The following ANO2 variants were observed in gnomAD, a reference collection of about 807,000 sequenced individuals.
The protein encoded by ANO2 is anoctamin 2.
ANO2 carries 101 observed loss-of-function variants against 124.2 expected under a neutral mutation model. That is an observed-to-expected ratio of 0.81 (90% CI 0.69 to 0.96). The LOEUF is 0.96. Among genes scored for constraint, ANO2 ranks in the 40% least tolerant of loss-of-function variants. The pLI is 0.00. For synonymous variants in ANO2, 486 were observed against 482.5 expected (o/e 1.01, Z -0.09); for missense variants, 1,293 against 1,274.5 (o/e 1.01, Z -0.22).
Position 5,923,252 on chromosome 12 carries a change from A to ACACACACACACGCACACACACC in ANO2, c.23-449_23-448insGGTGTGTGTGCGTGTGTGTGTG, listed in dbSNP as rs1565784497. 6.8e-4 allele frequency among the ~76,000 whole-genome samples: 51 copies of ACACACACACACGCACACACACC among 74,706 alleles called. 7 individuals carry two copies. The East Asian group carries it at 0.01, about 15-fold the overall frequency. The allele number at this position is 74,706 out of a possible 152,430, so 49.0% of individuals were successfully genotyped here. A position where few individuals can be genotyped will look rare whatever the true frequency, so the allele number is the denominator to read the frequency against. ...TGCACACATACACACACGCATACAC[A>ACACACACACACGCACACACACC]CACATACACACACACACACACACAC... On this transcript the variant is annotated intron_variant, in intron 1 of 24. Transcript: ENST00000682330.
chr12:5,615,078 G>A (rs1944731958), intron 17 of ANO2, 108 bp downstream of exon 17: 1 of 770,326 alleles, frequency 1.3e-6, no homozygotes, highest in Admixed American at 2.7e-5. Context: ...CGGAGAAGGG[G>A]CTGACGCTGA....
rs146542578 is a variant in ANO2 at position 5,767,395 on chromosome 12, G to A, written c.1056-16425C>T. On this transcript the variant is annotated intron_variant, in intron 10 of 24. Coordinates refer to ENST00000682330, the MANE Select transcript of ANO2 (RefSeq NM_001364791.2). ...GGTGAACCTAAGAGACAGGGCCAAC[G>A]TGGTTTCTGCATGCAAAATCACAAA... Among the ~76,000 whole-genome samples, 1,316 of 152,274 alleles carry A rather than the reference G, an allele frequency of 8.6e-3. 21 individuals carry two copies. The highest frequency in any genetic ancestry group is 0.03 in the African/African-American group (1,266 of 41,544).
At chr12:5,607,955 G>A (rs1944302041) in intron 19 of ANO2, among the ~76,000 whole-genome samples, 2 of 152,116 alleles carry the variant, frequency 1.3e-5, no homozygotes, top group South Asian at 4.2e-4. Flanking sequence ...ATGTAATGCA[G>A]TTGAATCATC....
chr12:5,695,454 C>T (rs1591929636), intron 14 of ANO2, among the ~76,000 whole-genome samples: 1 of 151,536 alleles, frequency 6.6e-6, no homozygotes, highest in East Asian at 1.9e-4. Context: ...ATACATGCCA[C>T]ATTCTCCAAA....
intron 10 of ANO2, among the ~76,000 whole-genome samples, chr12:5,777,059 A>G (rs539826723): frequency 3.1e-4 from 47 of 152,354 alleles, no homozygotes; most frequent in African/African-American, 1.1e-3. Flanking sequence ...GCAAATACAC[A>G]AAGAATAAAT....
chr12:5,803,507 T>C (rs1953106398), intron 9 of ANO2, among the ~76,000 whole-genome samples: 1 of 152,160 alleles, frequency 6.6e-6, no homozygotes, highest in South Asian at 2.1e-4. Flanking sequence ...AGTTCTACTT[T>C]GGGTTCTCCC....
chr12:5,843,335 C>A (rs568640829), intron 4 of ANO2, among the ~76,000 whole-genome samples: 1 of 152,032 alleles, frequency 6.6e-6, no homozygotes, highest in East Asian at 1.9e-4. Flanking sequence ...GGATCACTTG[C>A]GGTCAGGAGT....
At chr12:5,707,268 G>T (rs1462001111) in intron 14 of ANO2, among the ~76,000 whole-genome samples, 1 of 152,130 alleles carries the variant, frequency 6.6e-6, no homozygotes, top group Non-Finnish European at 1.5e-5. Flanking sequence ...TGCCATGATT[G>T]TAAGTTTCCT....
chr12:5,805,198 G>T (rs1953154714), intron 9 of ANO2, among the ~76,000 whole-genome samples: 1 of 152,274 alleles, frequency 6.6e-6, no homozygotes, highest in East Asian at 1.9e-4. Context: ...CTTCATAACA[G>T]GGACTAATAG....
intron 20 of ANO2, among the ~76,000 whole-genome samples, chr12:5,585,650 G>A (rs144010462): frequency 3.0e-4 from 46 of 152,202 alleles, no homozygotes; most frequent in African/African-American, 7.7e-4. Context: ...TCTTGTTTAC[G>A]TTATCCACCT....
chr12:5,889,839 AC>A lies in ANO2; in HGVS notation c.534+31200del, dbSNP rs575131758. Among the ~76,000 whole-genome samples, 825 of 152,354 alleles carry A rather than the reference AC, an allele frequency of 5.4e-3. 6 individuals carry two copies. The highest frequency in any genetic ancestry group is 0.019 in the African/African-American group (801 of 41,582). On this transcript the variant is annotated intron_variant, in intron 3 of 24. Transcript: ENST00000682330. ...ATCATAGAGCTTCGCTCAATGAAGC[AC>A]CCCGTCCAAGACCCTTTACCACCTC...
At chr12:5,622,945 C>A (rs866900288) in intron 16 of ANO2, among the ~76,000 whole-genome samples, 2 of 136,246 alleles carry the variant, frequency 1.5e-5, no homozygotes, top group Admixed American at 7.9e-5. Flanking sequence ...GCCTGGACAA[C>A]GATGCAAGGC....
intron 1 of ANO2, among the ~76,000 whole-genome samples, chr12:5,934,907 A>G (rs1942584094): frequency 6.6e-6 from 1 of 152,152 alleles, no homozygotes. Context: ...CTCCTACCCA[A>G]AATGGACTGG....
chr12:5,739,215 C>G (rs1283658363), intron 13 of ANO2, 102 bp downstream of exon 13: 14 of 1,133,092 alleles, frequency 1.2e-5, no homozygotes, highest in Non-Finnish European at 1.7e-5. Flanking sequence ...CAGCCAGTGA[C>G]AGCAAACATA....
intron 10 of ANO2, among the ~76,000 whole-genome samples, chr12:5,774,229 C>A (rs190087910): frequency 6.6e-6 from 1 of 152,076 alleles, no homozygotes; most frequent in South Asian, 2.1e-4. Context: ...GCAAGGTGGG[C>A]GGATTGCTTG....
chr12:5,744,102 C>T, intron 12 of ANO2, 55 bp downstream of exon 12: 6 of 1,603,700 alleles, frequency 3.7e-6, no homozygotes, highest in Non-Finnish European at 5.1e-6. Context: ...AGCTTGGTCA[C>T]TGTGCCCATG....
chr12:5,710,806 G>GA (rs1565595318), intron 14 of ANO2, among the ~76,000 whole-genome samples: 1 of 151,814 alleles, frequency 6.6e-6, no homozygotes. Context: ...TCTGTTTAAA[G>GA]AAAAAAAATA....
At chr12:5,887,289 T>C (rs926211963) in intron 3 of ANO2, among the ~76,000 whole-genome samples, 1 of 152,128 alleles carries the variant, frequency 6.6e-6, no homozygotes, top group African/African-American at 2.4e-5. Context: ...TTCACTGAAA[T>C]ATAGGAAAGT....
intron 4 of ANO2, among the ~76,000 whole-genome samples, chr12:5,840,687 G>C (rs1002052166): frequency 1.3e-5 from 2 of 152,166 alleles, no homozygotes; most frequent in South Asian, 2.1e-4. Context: ...CCCAGCAACA[G>C]GCAGGAAAGG....
Sources: allele counts gnomAD v4.1 joint callset (sites outside exome capture counted in the v4.1 genomes callset), GRCh38; gene constraint gnomAD v4.1.1; transcripts MANE v1.5; gene names NCBI Gene and HGNC (gene_info 2026-07-23, HGNC 2026-07-21).